The following CCDC33 variants were observed in gnomAD, a reference collection of about 807,000 sequenced individuals.
CCDC33 encodes the protein coiled-coil domain-containing protein 33.
CCDC33 carries 94 observed loss-of-function variants against 91.9 expected under a neutral mutation model. That is an observed-to-expected ratio of 1.02 (90% CI 0.87 to 1.21). CCDC33 has a LOEUF of 1.21. CCDC33 is among the 50% of genes most tolerant of loss of function. The probability of loss-of-function intolerance (pLI) is 0.00; values close to 1 mark genes in which losing one functional copy is unlikely to be tolerated. For missense variants in CCDC33, 940 were observed against 935.5 expected (o/e 1.00, Z -0.06); for synonymous variants, 396 against 374.5 (o/e 1.06, Z -0.66).
intron 2 of CCDC33, among the ~76,000 whole-genome samples, chr15:74,252,653 C>T: frequency 6.6e-6 from 1 of 152,180 alleles, no homozygotes; most frequent in East Asian, 1.9e-4. Context: ...ATGAAGATGA[C>T]TATTCCCATC....
chr15:74,297,582 T>C (rs960637729), intron 11 of CCDC33, among the ~76,000 whole-genome samples: 2 of 152,166 alleles, frequency 1.3e-5, no homozygotes, highest in African/African-American at 4.8e-5. Context: ...TAGTCTCAGC[T>C]ACTCAGGAAC....
chr15:74,290,848 T>C (rs1444994687), intron 10 of CCDC33, among the ~76,000 whole-genome samples: 3 of 152,112 alleles, frequency 2.0e-5, no homozygotes, highest in Non-Finnish European at 2.9e-5. Context: ...TCATCTGTGT[T>C]GGAAAGGTCT....
intron 1 of CCDC33, among the ~76,000 whole-genome samples, chr15:74,207,359 G>C (rs2142111031): frequency 6.6e-6 from 1 of 152,166 alleles, no homozygotes; most frequent in South Asian, 2.1e-4. Flanking sequence ...GCCATAAGAA[G>C]CCCTGCAACC....
At chr15:74,332,605 G>A in intron 15 of CCDC33, 74 bp from the exon 16 acceptor site, 1 of 1,531,974 alleles carries the variant, frequency 6.5e-7, no homozygotes, top group Non-Finnish European at 8.9e-7. Context: ...GAAGCAAAAT[G>A]CTGGAGCAGA....
At chr15:74,271,851 G>A in intron 6 of CCDC33, 57 bp downstream of exon 6, 2 of 1,452,426 alleles carry the variant, frequency 1.4e-6, no homozygotes, top group Middle Eastern at 1.7e-4. Flanking sequence ...GCAGAGGAGG[G>A]GGTGAGGCTG....
At chr15:74,249,765 C>A (rs1177367450) in intron 2 of CCDC33, among the ~76,000 whole-genome samples, 1 of 152,112 alleles carries the variant, frequency 6.6e-6, no homozygotes, top group Non-Finnish European at 1.5e-5. Flanking sequence ...TTGCAAGACC[C>A]GTGTTAAAAG....
At chr15:74,217,492 G>C in exon 1 of CCDC33, 1 of 1,289,654 alleles carries the variant, frequency 7.8e-7, no homozygotes, top group Admixed American at 2.3e-5. Flanking sequence ...TTCCCTGCCT[G>C]CTCTGCTATC....
chr15:74,246,907 G>A (rs574695453), intron 2 of CCDC33, among the ~76,000 whole-genome samples: 17 of 151,600 alleles, frequency 1.1e-4, no homozygotes, highest in South Asian at 6.3e-4. Flanking sequence ...AGCACTTTGC[G>A]GGGCCGAGGT....
intron 15 of CCDC33, 127 bp from the exon 16 acceptor site, chr15:74,332,552 G>C (rs1474727736): frequency 2.2e-6 from 2 of 929,296 alleles, no homozygotes; most frequent in East Asian, 4.8e-5. Context: ...TGGTGGTAGG[G>C]AGCCATTGAA....
At chr15:74,268,567 G>C in intron 5 of CCDC33, 109 bp downstream of exon 5, 1 of 774,262 alleles carries the variant, frequency 1.3e-6, no homozygotes, top group East Asian at 2.6e-5. Flanking sequence ...TGAGGGTGTG[G>C]AGCAGAGATG....
chr15:74,298,885 G>A (rs1056012346), intron 11 of CCDC33, among the ~76,000 whole-genome samples: 1 of 152,022 alleles, frequency 6.6e-6, no homozygotes, highest in East Asian at 1.9e-4. Context: ...GCTAATTTTT[G>A]TATTTTTAGT....
At chr15:74,263,900 T>C (rs1391784114) in intron 3 of CCDC33, among the ~76,000 whole-genome samples, 1 of 152,178 alleles carries the variant, frequency 6.6e-6, no homozygotes, top group Non-Finnish European at 1.5e-5. Context: ...TGTGTGGCTC[T>C]GTGTGTATGC....
chr15:74,298,232 A>T (rs1284356817), intron 11 of CCDC33, among the ~76,000 whole-genome samples: 1 of 152,004 alleles, frequency 6.6e-6, no homozygotes, highest in Non-Finnish European at 1.5e-5. Context: ...GTTGGGTTGG[A>T]GTCTGCACTG....
chr15:74,204,451 C>T (rs78755728), intron 1 of CCDC33, among the ~76,000 whole-genome samples: 2,679 of 152,344 alleles, frequency 0.018, 27 homozygotes, highest in South Asian at 0.042. Context: ...TCCCAGAGTC[C>T]CCGTGCCCAC....
chr15:74,232,116 A>G (rs1253779222), upstream of CCDC33, among the ~76,000 whole-genome samples: 1 of 152,198 alleles, frequency 6.6e-6, no homozygotes, highest in Admixed American at 6.5e-5. Context: ...CCTGGCACAC[A>G]GTAAGTGCTC....
chr15:74,249,537 T>C (rs976935029), intron 2 of CCDC33, among the ~76,000 whole-genome samples: 32 of 151,954 alleles, frequency 2.1e-4, no homozygotes, highest in African/African-American at 7.3e-4. Context: ...CTGAGCTAAC[T>C]AGGATTGCAG....
intron 2 of CCDC33, among the ~76,000 whole-genome samples, chr15:74,248,539 G>A (rs1248796926): frequency 1.3e-5 from 2 of 152,100 alleles, no homozygotes; most frequent in Non-Finnish European, 2.9e-5. Flanking sequence ...TAGCAGGCAG[G>A]ACCACAGTTG....
At chr15:74,252,482 C>A (rs879872551) in intron 2 of CCDC33, among the ~76,000 whole-genome samples, 3 of 152,222 alleles carry the variant, frequency 2.0e-5, no homozygotes, top group Admixed American at 1.3e-4. Flanking sequence ...ATGTTCCACT[C>A]GAAGCTCACT....
chr15:74,248,187 T>G (rs1365273355), intron 2 of CCDC33, among the ~76,000 whole-genome samples: 9 of 152,192 alleles, frequency 5.9e-5, no homozygotes, highest in Admixed American at 3.9e-4. Context: ...GTTAACTAAC[T>G]TGATCATGAT....
Sources: allele counts gnomAD v4.1 joint callset (sites outside exome capture counted in the v4.1 genomes callset), GRCh38; gene constraint gnomAD v4.1.1; transcripts MANE v1.5; gene names NCBI Gene and HGNC (gene_info 2026-07-23, HGNC 2026-07-21).